The following CYFIP1 variants were observed in gnomAD, a reference collection of about 807,000 sequenced individuals.
CYFIP1 encodes the protein cytoplasmic FMR1 interacting protein 1.
CYFIP1 carries 58 observed loss-of-function variants against 163.5 expected under a neutral mutation model. The observed-to-expected ratio is 0.35, with a 90% CI of 0.29 to 0.44. The LOEUF is 0.44. Among genes scored for constraint, CYFIP1 ranks in the 20% least tolerant of loss-of-function variants. The probability of loss-of-function intolerance (pLI) is 1.00; values close to 1 mark genes in which losing one functional copy is unlikely to be tolerated. For synonymous variants in CYFIP1, 663 were observed against 660.7 expected, an observed-to-expected ratio of 1.00 and a Z score of -0.05; for missense variants, 1,338 against 1,653.8, an observed-to-expected ratio of 0.81 and a Z score of 3.31.
At chr15:22,894,910 C>A (rs558306651) in intron 22 of CYFIP1, among the ~76,000 whole-genome samples, 28 of 143,440 alleles carry the variant, frequency 2.0e-4, no homozygotes, top group Non-Finnish European at 3.9e-4. Context: ...CACTGGAGTG[C>A]AGTGGTGTGA....
intron 1 of CYFIP1, 75 bp from the exon 2 acceptor site, chr15:22,947,366 C>T (rs186524483): frequency 1.9e-6 from 3 of 1,572,312 alleles, no homozygotes; most frequent in Admixed American, 3.4e-5. Context: ...GGTTGGGTAC[C>T]CAGGCCTCTA....
chr15:22,918,830 A>T lies in CYFIP1; in HGVS notation c.1388T>A (p.Val463Glu). The T allele has an allele frequency of 6.2e-7, 1 of 1,611,436 alleles. No individual in the cohort carries two copies. ...CACGCTCTCCATCCTGCCCATCAGCACCTGCAGGCCTTTGATCATGGCGAT... is the reference window on the plus strand; with the variant it reads ...CACGCTCTCCATCCTGCCCATCAGCTCCTGCAGGCCTTTGATCATGGCGAT... ...EVIAMIKGLQ[V>E]LMGRMESVFN... Residue 463 changes from valine (V) to glutamate (E), a missense_variant, in exon 14 of 31, where the codon GTG (valine) becomes GAG (glutamate). By Grantham distance (121) the Val-to-Glu change is moderately radical (BLOSUM62 -2). Around this residue, in one of 4 missense-constraint regions of CYFIP1, gnomAD observed 824 missense variants for 995.7 expected, o/e 0.83. Transcript: ENST00000617928.
intron 1 of CYFIP1, among the ~76,000 whole-genome samples, chr15:22,963,145 T>A (rs2062746237): frequency 6.6e-6 from 1 of 152,160 alleles, no homozygotes; most frequent in Non-Finnish European, 1.5e-5. Context: ...GAGAGAAGTG[T>A]TTGAATTGTG....
intron 5 of CYFIP1, among the ~76,000 whole-genome samples, chr15:22,944,234 G>A (rs1242425214): frequency 1.2e-5 from 1 of 85,718 alleles, no homozygotes; most frequent in Non-Finnish European, 2.2e-5. Flanking sequence ...GCAAGACTCT[G>A]TCTCAAAAAA....
chr15:22,912,539 C>CA (rs1317854401), intron 17 of CYFIP1, among the ~76,000 whole-genome samples: 1 of 152,234 alleles, frequency 6.6e-6, no homozygotes, highest in Admixed American at 6.5e-5. Flanking sequence ...CACCTGCCTG[C>CA]ATCTTCTCAC....
chr15:22,958,462 G>C (rs1322107683), intron 1 of CYFIP1, among the ~76,000 whole-genome samples: 3 of 152,206 alleles, frequency 2.0e-5, no homozygotes, highest in African/African-American at 7.2e-5. Flanking sequence ...CTCATCAACA[G>C]AGAAACAGAA....
chr15:22,867,900 G>GAAT lies in CYFIP1; in HGVS notation c.*2125_*2127dup, dbSNP rs1294207024. The GAAT allele has an allele frequency of 2.0e-5, 3 of 152,310 alleles. No homozygotes were observed. Among genetic ancestry groups the GAAT allele is most frequent in the Non-Finnish European group, 4.4e-5 (3 of 68,022 alleles). 9.4% of individuals were successfully genotyped at this position (152,310 alleles called of 1,614,324 possible). ...ACTGCAAACATATGCAGAAAAGGTAGAATAATAAAAAAGGTCTAATGAACT... is the reference window on the plus strand; with the variant it reads ...ACTGCAAACATATGCAGAAAAGGTAGAATAATAATAAAAAAGGTCTAATGAACT... On this transcript the variant is annotated 3_prime_UTR_variant, in exon 31 of 31. Coordinates refer to ENST00000617928, the MANE Select transcript of CYFIP1 (RefSeq NM_014608.6).
intron 1 of CYFIP1, among the ~76,000 whole-genome samples, chr15:22,966,571 C>T (rs556244904): frequency 4.6e-5 from 7 of 152,012 alleles, no homozygotes; most frequent in South Asian, 4.2e-4. Flanking sequence ...GCCACCCAGT[C>T]GCTGGTACTG....
At chr15:22,963,526 T>TAACATAACATAACATAACATAACATAA (rs2062772187) in intron 1 of CYFIP1, among the ~76,000 whole-genome samples, 6 of 145,506 alleles carry the variant, frequency 4.1e-5, no homozygotes, top group Non-Finnish European at 9.2e-5. Context: ...TAACATAACA[T>TAACATAACATAACATAACATAACATAA]AACATAACAT....
intron 22 of CYFIP1, among the ~76,000 whole-genome samples, chr15:22,897,185 C>G (rs1459999033): frequency 6.6e-6 from 1 of 152,090 alleles, no homozygotes; most frequent in Non-Finnish European, 1.5e-5. Flanking sequence ...TACACTCTAG[C>G]CTGGGCAACA....
intron 21 of CYFIP1, among the ~76,000 whole-genome samples, 168 bp downstream of exon 21, chr15:22,909,026 T>C (rs1483817309): frequency 3.9e-5 from 6 of 151,912 alleles, no homozygotes; most frequent in African/African-American, 7.3e-5. Context: ...TTATTATCTA[T>C]ACAAGAGGCT....
At chr15:22,898,225 G>GT (rs1344411936) in intron 22 of CYFIP1, among the ~76,000 whole-genome samples, 6 of 151,958 alleles carry the variant, frequency 3.9e-5, no homozygotes, top group Non-Finnish European at 7.4e-5. Context: ...TCTAAACCCT[G>GT]TTACTCTATC....
At chr15:22,970,045 A>G (rs937725136) in intron 1 of CYFIP1, among the ~76,000 whole-genome samples, 1 of 152,220 alleles carries the variant, frequency 6.6e-6, no homozygotes, top group African/African-American at 2.4e-5. Flanking sequence ...AATTCAGGGA[A>G]GTTGCAGGAT....
At chr15:22,954,426 C>T (rs534624370) in intron 1 of CYFIP1, among the ~76,000 whole-genome samples, 2 of 152,302 alleles carry the variant, frequency 1.3e-5, no homozygotes, top group Admixed American at 6.5e-5. Flanking sequence ...AGAACCCACA[C>T]GAGCTGGTAT....
At chr15:22,969,208 G>A (rs139749822) in intron 1 of CYFIP1, among the ~76,000 whole-genome samples, 24 of 152,228 alleles carry the variant, frequency 1.6e-4, no homozygotes, top group Admixed American at 4.6e-4. Context: ...AGGTCACAGC[G>A]GCTATCACTG....
At chr15:22,899,473 G>C (rs995208185) in intron 22 of CYFIP1, among the ~76,000 whole-genome samples, 1 of 152,112 alleles carries the variant, frequency 6.6e-6, no homozygotes, top group African/African-American at 2.4e-5. Flanking sequence ...ATGGGGGCAG[G>C]TCTTTCCCAT....
intron 8 of CYFIP1, among the ~76,000 whole-genome samples, chr15:22,937,751 A>G (rs775999168): frequency 6.6e-6 from 1 of 151,784 alleles, no homozygotes; most frequent in Non-Finnish European, 1.5e-5. Flanking sequence ...GGCGCCCATG[A>G]CCACCACGCC....
At position 22,869,739 on chromosome 15, in the gene CYFIP1, C is replaced by T. The variant is rs1208959393; in HGVS notation, c.*289G>A. The T allele has an allele frequency of 1.9e-5, 5 of 265,662 alleles. No individual in the cohort carries two copies. The East Asian group carries it at 3.0e-4, about 16-fold the overall frequency. 16.5% of individuals were successfully genotyped at this position (265,662 alleles called of 1,614,324 possible). Reference sequence around the variant, plus strand: ...TTCTTATGGAATGAATGAATGAACCCAGCAGCATTTTATGACACAGCTGCC... The same window carrying T: ...TTCTTATGGAATGAATGAATGAACCTAGCAGCATTTTATGACACAGCTGCC... On this transcript the variant is annotated 3_prime_UTR_variant, in exon 31 of 31. Transcript: ENST00000617928.
intron 1 of CYFIP1, among the ~76,000 whole-genome samples, chr15:22,965,196 C>G (rs1251193666): frequency 6.6e-6 from 1 of 152,182 alleles, no homozygotes; most frequent in Non-Finnish European, 1.5e-5. Context: ...TGGTGGCTCA[C>G]GCCTATAGTC....
Sources: gnomAD v4.1 joint callset for allele counts (sites outside exome capture counted in the v4.1 genomes callset) on GRCh38, gnomAD v4.1.1 for gene constraint, gnomAD v4.1.1 regional missense constraint, MANE v1.5 for transcripts, NCBI Gene and HGNC (gene_info 2026-07-23, HGNC 2026-07-21) for gene names.